COL21A1: variants seen among roughly 807,000 people sequenced by gnomAD.
COL21A1 encodes the protein collagen type XXI alpha 1 chain.
COL21A1 carries 149 observed loss-of-function variants against 137.9 expected under a neutral mutation model. The observed-to-expected ratio is 1.08, with a 90% confidence interval of 0.95 to 1.24. The LOEUF (loss-of-function observed/expected upper bound fraction) is 1.24. COL21A1 is among the 50% of genes most tolerant of loss of function. The pLI is 0.00. For missense variants in COL21A1, 1,167 were observed against 1,158.4 expected, an observed-to-expected ratio of 1.01 and a Z score of -0.11; for synonymous variants, 456 against 391.5, an observed-to-expected ratio of 1.16 and a Z score of -1.95.
chr6:56,349,611 T>C lies in COL21A1; in HGVS notation c.-39+44360A>G, dbSNP rs542235578. On this transcript the variant is annotated intron_variant, in intron 1 of 28. Coordinates refer to the COL21A1 transcript ENST00000370819. ...ATTGCAGGACACTGATTTTTAATTT[T>C]TATTCTTAGAAATGTAAGAAGAGGC... Among the ~76,000 whole-genome samples, 6 of 152,346 alleles carry C rather than the reference T, an allele frequency of 3.9e-5. No homozygotes were observed. In the South Asian group the frequency reaches 8.3e-4, roughly 21 times the overall value.
intron 1 of COL21A1, among the ~76,000 whole-genome samples, chr6:56,187,586 A>G (rs1778382680): frequency 6.6e-6 from 1 of 152,244 alleles, no homozygotes; most frequent in Non-Finnish European, 1.5e-5. Context: ...TGGATAGAAA[A>G]GGAAAGTCTT....
chr6:56,267,982 A>G (rs1410929932), intron 1 of COL21A1, among the ~76,000 whole-genome samples: 14 of 152,144 alleles, frequency 9.2e-5, no homozygotes, highest in Admixed American at 9.2e-4. Context: ...GTACTTTCCC[A>G]GTGGCCTGAA....
At chr6:56,262,348 T>C (rs1412260052) in intron 1 of COL21A1, among the ~76,000 whole-genome samples, 1 of 152,212 alleles carries the variant, frequency 6.6e-6, no homozygotes, top group African/African-American at 2.4e-5. Flanking sequence ...TGTAAGTATC[T>C]ACTCCATGGC....
intron 1 of COL21A1, among the ~76,000 whole-genome samples, chr6:56,233,156 T>C (rs1207799979): frequency 6.6e-6 from 1 of 151,642 alleles, no homozygotes; most frequent in Non-Finnish European, 1.5e-5. Flanking sequence ...CCAGGTAGCT[T>C]CCCCACAAGC....
At chr6:56,143,344 G>T (rs1272326395) in intron 10 of COL21A1, among the ~76,000 whole-genome samples, 2 of 151,658 alleles carry the variant, frequency 1.3e-5, no homozygotes, top group Non-Finnish European at 2.9e-5. Flanking sequence ...GGGACTACAG[G>T]CGTCCACCAC....
At chr6:56,166,620 C>T (rs1482263323) in intron 7 of COL21A1, among the ~76,000 whole-genome samples, 1 of 152,162 alleles carries the variant, frequency 6.6e-6, no homozygotes, top group Non-Finnish European at 1.5e-5. Flanking sequence ...CACTGCACTC[C>T]AGCCTGGGCG....
At chr6:56,143,388 G>A (rs905863857) in intron 10 of COL21A1, among the ~76,000 whole-genome samples, 7 of 151,742 alleles carry the variant, frequency 4.6e-5, no homozygotes, top group African/African-American at 1.7e-4. Context: ...TTTTAGTAGA[G>A]ATGGGGTTTC....
At chr6:56,125,167 C>G (rs939096069) in intron 14 of COL21A1, among the ~76,000 whole-genome samples, 1 of 151,420 alleles carries the variant, frequency 6.6e-6, no homozygotes, top group African/African-American at 2.4e-5. Flanking sequence ...ACTACAGGCT[C>G]ACACCACCAC....
intron 1 of COL21A1, among the ~76,000 whole-genome samples, chr6:56,203,996 G>T (rs1165421364): frequency 1.3e-5 from 2 of 152,146 alleles, no homozygotes; most frequent in African/African-American, 2.4e-5. Context: ...TCCCTCTGGT[G>T]CCTACACCAC....
intron 12 of COL21A1, among the ~76,000 whole-genome samples, chr6:56,127,121 T>A (rs1427922230): frequency 6.6e-6 from 1 of 152,182 alleles, no homozygotes; most frequent in Non-Finnish European, 1.5e-5. Flanking sequence ...CCACCATGAA[T>A]GCAGAGGATT....
chr6:56,356,610 T>G (rs1030588948), intron 1 of COL21A1, among the ~76,000 whole-genome samples: 1 of 152,232 alleles, frequency 6.6e-6, no homozygotes, highest in African/African-American at 2.4e-5. Flanking sequence ...GCAGGCAGCT[T>G]AAATTCCTTA....
chr6:56,150,174 T>C (rs1338973575), intron 10 of COL21A1, among the ~76,000 whole-genome samples: 1 of 152,112 alleles, frequency 6.6e-6, no homozygotes, highest in Admixed American at 6.5e-5. Context: ...TAATGCTCCA[T>C]AGAAGGCTGC....
rs532991527 is a variant in COL21A1 at position 56,175,069 on chromosome 6, A to G, written c.641-3941T>C. 3.9e-4 allele frequency among the ~76,000 whole-genome samples: 60 copies of G among 152,276 alleles called. 2 individuals are homozygous for G. The South Asian group carries it at 0.012, about 30-fold the overall frequency. On this transcript the variant is annotated intron_variant, in intron 3 of 29. Coordinates refer to ENST00000244728, the MANE Select transcript of COL21A1 (RefSeq NM_030820.4). The stretch of plus-strand genomic sequence containing the variant: ...AACATGATCATCTCAATGGAGGCAG[A>G]AAAATAATTGACAAAAATCAGCACT...
chr6:56,130,193 ATATATATATATATAT>A (rs1773432115), intron 12 of COL21A1, among the ~76,000 whole-genome samples: 1 of 20,774 alleles, frequency 4.8e-5, no homozygotes, highest in African/African-American at 1.6e-4. Flanking sequence ...ATATATATAT[ATATATATATATATAT>A]ATAAAATTTC....
chr6:56,306,599 TTTCTGCATTGATTA>T (rs1764462974), intron 1 of COL21A1, among the ~76,000 whole-genome samples: 1 of 152,318 alleles, frequency 6.6e-6, no homozygotes, highest in Admixed American at 6.5e-5. Flanking sequence ...TTTAAGGACT[TTTCTGCATTGATTA>T]TTCTAGTTAG....
intron 16 of COL21A1, among the ~76,000 whole-genome samples, chr6:56,107,554 G>C (rs1034341703): frequency 6.6e-6 from 1 of 151,858 alleles, no homozygotes; most frequent in Non-Finnish European, 1.5e-5. Context: ...CATCTTCATA[G>C]GAAAAAGAGT....
chr6:56,240,089 A>G (rs1388250272), intron 1 of COL21A1, among the ~76,000 whole-genome samples: 1 of 151,994 alleles, frequency 6.6e-6, no homozygotes, highest in East Asian at 1.9e-4. Flanking sequence ...CCACCAGGCA[A>G]GATGTGTCAT....
Position 56,160,943 on chromosome 6 carries a change from G to A in COL21A1, c.1371+3480C>T, listed in dbSNP as rs76226292. Among the ~76,000 whole-genome samples, 190 of 152,216 alleles carry A rather than the reference G, an allele frequency of 1.2e-3. 1 individual carries two copies. The East Asian group carries it at 0.035, about 28-fold the overall frequency. On this transcript the variant is annotated intron_variant, in intron 9 of 29. Transcript: ENST00000244728. ...CATGCTACCCCTCTGGTCTCCACAAGAGCATCTGACCTAAGACCTATTCCA... is the reference window on the plus strand; with the variant it reads ...CATGCTACCCCTCTGGTCTCCACAAAAGCATCTGACCTAAGACCTATTCCA...
At chr6:56,263,242 T>G (rs1001644623) in intron 1 of COL21A1, among the ~76,000 whole-genome samples, 2 of 152,226 alleles carry the variant, frequency 1.3e-5, no homozygotes, top group Non-Finnish European at 2.9e-5. Flanking sequence ...ATCAGTGGTA[T>G]TTCATAAAGG....
Sources: gnomAD v4.1 joint callset for allele counts (sites outside exome capture counted in the v4.1 genomes callset) on GRCh38, gnomAD v4.1.1 for gene constraint, MANE v1.5 for transcripts, NCBI Gene and HGNC (gene_info 2026-07-23, HGNC 2026-07-21) for gene names.